Variants in USH2A observed in about 807,000 individuals in gnomAD.
The protein encoded by USH2A is Usher syndrome 2A (autosomal recessive, mild).
In USH2A, 443 loss-of-function variants were observed where a neutral mutation model predicts 538.9. That is an observed-to-expected ratio of 0.82 (90% CI 0.76 to 0.89). The LOEUF (loss-of-function observed/expected upper bound fraction) is 0.89. USH2A is among the 40% of genes least tolerant of loss of function. The pLI, the probability that USH2A is intolerant of heterozygous loss-of-function variation, is 0.00. For missense variants in USH2A, 6,633 were observed against 6,324.8 expected (o/e 1.05, Z -1.65); for synonymous variants, 2,413 against 2,273.5 (o/e 1.06, Z -1.75).
At chr1:216,371,893 A>T (rs2038722168) in intron 3 of USH2A, among the ~76,000 whole-genome samples, 1 of 152,238 alleles carries the variant, frequency 6.6e-6, no homozygotes, top group African/African-American at 2.4e-5. Context: ...AATGTGTCAT[A>T]CTGTGATTCT....
chr1:216,377,851 GAAAGAAAGAAAGAAAGAAGGAAA>G (rs1558061825), intron 3 of USH2A, among the ~76,000 whole-genome samples: 28 of 133,916 alleles, frequency 2.1e-4, no homozygotes, highest in African/African-American at 7.2e-4. Flanking sequence ...AAGAAAGAAA[GAAAGAAAGAAAGAAAGAAGGAAA>G]GAAAGAAAGG....
chr1:216,008,329 G>A lies in USH2A; in HGVS notation c.6326-7767C>T, dbSNP rs551140558. On this transcript the variant is annotated intron_variant, in intron 32 of 71. Coordinates refer to ENST00000307340, the MANE Select transcript of USH2A (RefSeq NM_206933.4). ...TCTCCTGGCTCATCCTGGCTCAAAAGCTCCCCCACTGAGTACCTTGTGACC... is the reference window on the plus strand; with the variant it reads ...TCTCCTGGCTCATCCTGGCTCAAAAACTCCCCCACTGAGTACCTTGTGACC... Among the ~76,000 whole-genome samples, 5 of 152,050 alleles carry A rather than the reference G, an allele frequency of 3.3e-5. No individual in the cohort carries two copies. The East Asian group carries it at 9.7e-4, about 29-fold the overall frequency.
At chr1:216,322,374 G>A (rs1029650603) in intron 8 of USH2A, among the ~76,000 whole-genome samples, 12 of 151,964 alleles carry the variant, frequency 7.9e-5, no homozygotes, top group Non-Finnish European at 1.5e-4. Flanking sequence ...AGACTCAGGC[G>A]GGTAGATCAC....
At chr1:216,402,067 GTGTT>G (rs150238753) in intron 3 of USH2A, among the ~76,000 whole-genome samples, 110 of 152,186 alleles carry the variant, frequency 7.2e-4, no homozygotes, top group African/African-American at 2.6e-3. Flanking sequence ...GTATGCATCT[GTGTT>G]TGTGTGCGTG....
chr1:216,154,478 C>G (rs1013946236), intron 21 of USH2A, among the ~76,000 whole-genome samples: 67 of 152,054 alleles, frequency 4.4e-4, no homozygotes, highest in African/African-American at 1.4e-3. Context: ...TCAATGGTTC[C>G]CATACTTGAA....
At chr1:215,991,007 C>G (rs1161350100) in intron 35 of USH2A, among the ~76,000 whole-genome samples, 3 of 151,986 alleles carry the variant, frequency 2.0e-5, no homozygotes, top group Admixed American at 1.3e-4. Flanking sequence ...ATGATCCACC[C>G]CCCTCAGCCT....
chr1:216,062,610 T>G (rs546654976), intron 30 of USH2A, among the ~76,000 whole-genome samples: 1 of 152,182 alleles, frequency 6.6e-6, no homozygotes, highest in African/African-American at 2.4e-5. Context: ...ATAAATAAGG[T>G]TTTCATCCCC....
At chr1:215,945,211 T>C (rs1666729213) in intron 37 of USH2A, among the ~76,000 whole-genome samples, 2 of 152,138 alleles carry the variant, frequency 1.3e-5, no homozygotes, top group Admixed American at 6.6e-5. Flanking sequence ...TTGGCCTCAT[T>C]GAGGAACAAC....
chr1:216,163,561 A>G (rs1406006676), intron 21 of USH2A, among the ~76,000 whole-genome samples: 1 of 151,930 alleles, frequency 6.6e-6, no homozygotes. Flanking sequence ...ATTGTATAGG[A>G]AAAAATTGCA....
intron 37 of USH2A, among the ~76,000 whole-genome samples, chr1:215,941,503 T>G: frequency 6.6e-6 from 1 of 152,174 alleles, no homozygotes; most frequent in East Asian, 1.9e-4. Flanking sequence ...ACTGATGCTG[T>G]TATCTCAATC....
intron 61 of USH2A, among the ~76,000 whole-genome samples, chr1:215,715,964 C>T (rs1206359783): frequency 1.3e-5 from 2 of 152,182 alleles, no homozygotes; most frequent in Non-Finnish European, 1.5e-5. Context: ...CTTCCTCCAT[C>T]TCCTACGGAA....
At chr1:216,037,070 C>T (rs1047672844) in intron 32 of USH2A, among the ~76,000 whole-genome samples, 1 of 152,072 alleles carries the variant, frequency 6.6e-6, no homozygotes, top group Non-Finnish European at 1.5e-5. Context: ...GGGAATTTAA[C>T]CATGTCAATG....
At chr1:215,903,983 T>C (rs1437452105) in intron 38 of USH2A, among the ~76,000 whole-genome samples, 2 of 152,140 alleles carry the variant, frequency 1.3e-5, no homozygotes, top group East Asian at 1.9e-4. Context: ...TTAACAATCA[T>C]AATTTATTTG....
chr1:215,678,688 A>G (rs1658116308), intron 62 of USH2A, among the ~76,000 whole-genome samples: 7 of 152,078 alleles, frequency 4.6e-5, no homozygotes, highest in African/African-American at 1.7e-4. Context: ...CACCATTCAT[A>G]TACTCTGCCA....
At chr1:216,126,242 G>A in intron 21 of USH2A, among the ~76,000 whole-genome samples, 2 of 150,886 alleles carry the variant, frequency 1.3e-5, no homozygotes, top group South Asian at 4.3e-4. Flanking sequence ...TGTTTTTTTT[G>A]AGATGAGGTC....
chr1:216,192,786 A>G (rs2034747378), intron 19 of USH2A, among the ~76,000 whole-genome samples: 1 of 152,092 alleles, frequency 6.6e-6, no homozygotes, highest in African/African-American at 2.4e-5. Flanking sequence ...CTTTTAAATA[A>G]CAACAACAAT....
rs1356137171 is a variant in USH2A, at chr1:215,870,786, A to AT, written c.8682-3617dup. On this transcript the variant is annotated intron_variant, in intron 43 of 71. Coordinates refer to ENST00000307340, the MANE Select transcript of USH2A (RefSeq NM_206933.4). ...CTTGAAGTGGTTTTCCATTCACTCT[A>AT]TGTATACTGTTTTTCAAATGGACTT... Among the ~76,000 whole-genome samples the AT allele has an allele frequency of 3.3e-5, 5 of 152,194 alleles. No homozygotes were observed. The East Asian group carries it at 9.7e-4, about 29-fold the overall frequency.
chr1:215,950,941 C>A (rs1666897276), intron 37 of USH2A, among the ~76,000 whole-genome samples: 1 of 152,144 alleles, frequency 6.6e-6, no homozygotes. Flanking sequence ...ATTCTTCTCT[C>A]TTTTCTTCTT....
intron 4 of USH2A, among the ~76,000 whole-genome samples, chr1:216,334,880 A>G (rs937467111): frequency 4.6e-5 from 7 of 151,852 alleles, no homozygotes; most frequent in African/African-American, 1.7e-4. Context: ...CCTACTTTCA[A>G]TCATGGAGAG....
Sources: allele counts gnomAD v4.1 joint callset (sites outside exome capture counted in the v4.1 genomes callset), GRCh38; gene constraint gnomAD v4.1.1; transcripts MANE v1.5; gene names NCBI Gene and HGNC (gene_info 2026-07-23, HGNC 2026-07-21).